Variants in IGF1R observed in about 807,000 individuals in gnomAD.
IGF1R encodes the protein insulin-like growth factor 1 receptor.
A neutral mutation model predicts 144.6 loss-of-function variants in IGF1R; 44 were observed. That is an observed-to-expected ratio of 0.30 (90% CI 0.24 to 0.39). The LOEUF is 0.39. IGF1R is among the 10% of genes least tolerant of loss of function. The pLI is 1.00. For missense variants in IGF1R, 1,355 were observed against 1,833.7 expected (o/e 0.74, Z 4.77); for synonymous variants, 795 against 722.8 (o/e 1.10, Z -1.60).
intron 2 of IGF1R, among the ~76,000 whole-genome samples, chr15:98,862,001 G>GA (rs1324353284): frequency 1.3e-5 from 2 of 152,138 alleles, no homozygotes; most frequent in African/African-American, 4.8e-5. Context: ...CTGGTCTCCG[G>GA]AAAAAAGTAG....
chr15:98,785,381 G>A (rs1783266772), intron 2 of IGF1R, among the ~76,000 whole-genome samples: 1 of 152,186 alleles, frequency 6.6e-6, no homozygotes, highest in Non-Finnish European at 1.5e-5. Context: ...TGTAGCATAT[G>A]AAAGTAGTTG....
chr15:98,797,066 C>G (rs566575225), intron 2 of IGF1R, among the ~76,000 whole-genome samples: 5 of 152,340 alleles, frequency 3.3e-5, no homozygotes, highest in African/African-American at 1.2e-4. Flanking sequence ...CCCATCTGCC[C>G]TGTGTGGGGT....
chr15:98,961,459 A>G lies in IGF1R; in HGVS notation c.*4017A>G, dbSNP rs1366606159. ...TGCAGTCACTTTACTGGACCAACCC[A>G]CCCACCTTGACTATACCAAGGCATC... On this transcript the variant is annotated 3_prime_UTR_variant, in exon 21 of 21. Transcript: ENST00000650285. 2 of 233,418 alleles carry G rather than the reference A, an allele frequency of 8.6e-6. No individual in the cohort carries two copies. The highest frequency in any genetic ancestry group is 1.7e-5 in the Non-Finnish European group (2 of 118,008). 14.5% of individuals were successfully genotyped at this position (233,418 alleles called of 1,614,324 possible). A position where few individuals can be genotyped will look rare whatever the true frequency, so the allele number is the denominator to read the frequency against.
chr15:98,929,557 G>A lies in IGF1R; in HGVS notation c.2783-1G>A, dbSNP rs200759070. On this transcript the variant is annotated splice_acceptor_variant, in intron 13 of 20. Coordinates refer to ENST00000650285, the MANE Select transcript of IGF1R (RefSeq NM_000875.5). LOFTEE classifies it high-confidence loss of function. The stretch of plus-strand genomic sequence containing the variant: ...TTATCATTTCCTCCTCTTTGCTGCA[G>A]CAGGATATGAAAACTTCATCCATCT... 3 of 1,610,674 alleles carry A rather than the reference G, an allele frequency of 1.9e-6. No homozygotes were observed. Among genetic ancestry groups the A allele is most frequent in the Non-Finnish European group, 2.5e-6 (3 of 1,176,866 alleles).
chr15:98,677,912 C>T (rs370498778), intron 1 of IGF1R, among the ~76,000 whole-genome samples: 2 of 152,164 alleles, frequency 1.3e-5, no homozygotes, highest in Non-Finnish European at 2.9e-5. Context: ...TAGGGTCTTG[C>T]TGCATTAGCC....
At chr15:98,784,842 A>G (rs2055952082) in intron 2 of IGF1R, among the ~76,000 whole-genome samples, 1 of 152,192 alleles carries the variant, frequency 6.6e-6, no homozygotes, top group Non-Finnish European at 1.5e-5. Flanking sequence ...CGATGTGCAT[A>G]CGTTATATGC....
intron 2 of IGF1R, among the ~76,000 whole-genome samples, chr15:98,871,984 C>T (rs1055596581): frequency 1.3e-5 from 2 of 152,244 alleles, no homozygotes; most frequent in African/African-American, 4.8e-5. Context: ...CTAAAAGGAA[C>T]TCCTTCCTAG....
At chr15:98,853,568 A>G (rs189052295) in intron 2 of IGF1R, among the ~76,000 whole-genome samples, 31 of 152,232 alleles carry the variant, frequency 2.0e-4, no homozygotes, top group African/African-American at 7.0e-4. Context: ...AAAATAATCT[A>G]TGAAGATGGT....
At position 98,913,227 on chromosome 15, in the gene IGF1R, C is replaced by T. The variant is rs143045812; in HGVS notation, c.1773C>T (p.Asn591=). The T allele has an allele frequency of 3.8e-4, 616 of 1,614,188 alleles. 1 individual carries two copies. Among genetic ancestry groups the T allele is most frequent in the African/African-American group, 8.4e-4 (63 of 75,052 alleles). Residue 591 remains asparagine (N), a synonymous_variant, in exon 8 of 21, where the codon AAC becomes AAT. Transcript: ENST00000650285. ...VKAVTLTMVE[N]DHIRGAKSEI... is the part of the protein sequence containing the mutation. ...CTGTGACCCTCACCATGGTGGAGAA[C>T]GACCATATCCGTGGGGCCAAGAGTG...
intron 2 of IGF1R, among the ~76,000 whole-genome samples, chr15:98,873,317 C>G (rs2012885524): frequency 1.3e-5 from 2 of 152,260 alleles, no homozygotes; most frequent in South Asian, 4.2e-4. Context: ...GGATCAGCTT[C>G]AAGATTTCTC....
intron 2 of IGF1R, among the ~76,000 whole-genome samples, chr15:98,869,662 C>T (rs1024608894): frequency 2.0e-5 from 3 of 152,108 alleles, no homozygotes; most frequent in African/African-American, 7.2e-5. Context: ...CTCGAACTCC[C>T]ATCCTCAGGT....
At chr15:98,745,972 A>T (rs2054854820) in intron 2 of IGF1R, among the ~76,000 whole-genome samples, 1 of 152,242 alleles carries the variant, frequency 6.6e-6, no homozygotes, top group South Asian at 2.1e-4. Flanking sequence ...GAAATAACCC[A>T]CGTGTTCTTC....
intron 2 of IGF1R, among the ~76,000 whole-genome samples, chr15:98,821,672 A>G (rs912108811): frequency 6.6e-6 from 1 of 152,190 alleles, no homozygotes; most frequent in African/African-American, 2.4e-5. Flanking sequence ...TCTTACCTTG[A>G]TTAGTGATGA....
In IGF1R at chr15:98,783,174, TAA is replaced by T. The variant is rs112834076; in HGVS notation, c.640+75069_640+75070del. Among the ~76,000 whole-genome samples the T allele has an allele frequency of 6.8e-4, 104 of 152,300 alleles. 1 individual carries two copies. Among genetic ancestry groups the T allele is most frequent in the South Asian group, 6.4e-3 (31 of 4,824 alleles). On this transcript the variant is annotated intron_variant, in intron 2 of 20. Transcript: ENST00000650285. Reference sequence around the variant, plus strand: ...ATTCACATGCAGTTTCAAGAAATAATAAAGAGTAATTCCATGCACCATTTTCC... The same window carrying T: ...ATTCACATGCAGTTTCAAGAAATAATAGAGTAATTCCATGCACCATTTTCC...
chr15:98,703,070 C>A (rs1273657405), intron 1 of IGF1R, among the ~76,000 whole-genome samples: 1 of 152,176 alleles, frequency 6.6e-6, no homozygotes, highest in East Asian at 1.9e-4. Flanking sequence ...TCTGCTGTTG[C>A]CATTCTCTGG....
intron 2 of IGF1R, among the ~76,000 whole-genome samples, chr15:98,869,300 A>AAACAAAC (rs1555454927): frequency 1.3e-5 from 2 of 150,560 alleles, no homozygotes; most frequent in Non-Finnish European, 2.9e-5. Flanking sequence ...TAAAAAAAAC[A>AAACAAAC]AACAACAACA....
intron 1 of IGF1R, among the ~76,000 whole-genome samples, chr15:98,679,428 C>T (rs2079201657): frequency 6.6e-6 from 1 of 152,166 alleles, no homozygotes; most frequent in Non-Finnish European, 1.5e-5. Context: ...CCGTGCTCCA[C>T]ATGTTTTGGT....
In IGF1R at chr15:98,885,218, T is replaced by C. The variant is rs79273289; in HGVS notation, c.641-6107T>C. Among the ~76,000 whole-genome samples the C allele has an allele frequency of 2.3e-3, 356 of 152,282 alleles. 7 individuals are homozygous for C. The East Asian group carries it at 0.058, about 25-fold the overall frequency. ...GCTGAGTCCCCGAACCTGCCACGTC[T>C]ATAGGGTGTAACCTACCTGAGGCCT... On this transcript the variant is annotated intron_variant, in intron 2 of 20. Transcript: ENST00000650285.
At position 98,785,860 on chromosome 15, in the gene IGF1R, T is replaced by A. The variant is rs368711868; in HGVS notation, c.640+77753T>A. Among the ~76,000 whole-genome samples the A allele has an allele frequency of 2.3e-3, 355 of 152,304 alleles. 1 individual carries two copies. The highest frequency in any genetic ancestry group is 8.2e-3 in the African/African-American group (341 of 41,562). On this transcript the variant is annotated intron_variant, in intron 2 of 20. Transcript: ENST00000650285. ...AAGCATCTGTATTGTAAATCAGGAA[T>A]GTAGGTATTGGGTTTCCTTAAAACA... is the stretch of plus-strand genomic sequence containing the variant.
Sources: allele counts gnomAD v4.1 joint callset (sites outside exome capture counted in the v4.1 genomes callset), GRCh38; gene constraint gnomAD v4.1.1; transcripts MANE v1.5; gene names NCBI Gene and HGNC (gene_info 2026-07-23, HGNC 2026-07-21).